Variants in CARF observed in about 807,000 individuals in gnomAD.
CARF encodes calcium-responsive transcription factor.
A neutral mutation model predicts 82.0 loss-of-function variants in CARF; 57 were observed. The ratio of observed to expected loss-of-function variants is 0.70; its 90% CI spans 0.56 to 0.87. CARF has a LOEUF of 0.87. Among genes scored for constraint, CARF ranks in the 40% least tolerant of loss-of-function variants. CARF has a pLI of 0.00. For missense variants in CARF, 771 were observed against 855.8 expected, an observed-to-expected ratio of 0.90 and a Z score of 1.24; for synonymous variants, 268 against 290.1, an observed-to-expected ratio of 0.92 and a Z score of 0.77.
At chr2:202,923,140 C>T (rs1021096379) in intron 2 of CARF, among the ~76,000 whole-genome samples, 1 of 152,092 alleles carries the variant, frequency 6.6e-6, no homozygotes, top group Admixed American at 6.5e-5. Flanking sequence ...ACTTGGGAGG[C>T]TGAGGCAGGA....
At chr2:202,968,178 C>T (rs994289599) in intron 10 of CARF, among the ~76,000 whole-genome samples, 40 of 152,072 alleles carry the variant, frequency 2.6e-4, no homozygotes, top group East Asian at 2.1e-3. Flanking sequence ...CCGAGGTGGG[C>T]GGATTACAAG....
intron 10 of CARF, among the ~76,000 whole-genome samples, chr2:202,969,404 T>C (rs2059685460): frequency 6.6e-6 from 1 of 151,770 alleles, no homozygotes; most frequent in African/African-American, 2.4e-5. Context: ...GGAAAAACCC[T>C]GTCTCTACTA....
At chr2:202,973,526 T>C (rs1374980852) in intron 12 of CARF, 1 of 406,568 alleles carries the variant, frequency 2.5e-6, no homozygotes, top group Non-Finnish European at 4.8e-6. Context: ...TTGGAAGCAA[T>C]GTAACATGAT....
intron 2 of CARF, among the ~76,000 whole-genome samples, chr2:202,921,901 C>G (rs989692173): frequency 1.3e-5 from 2 of 151,960 alleles, no homozygotes; most frequent in Non-Finnish European, 2.9e-5. Flanking sequence ...TTATGACTCA[C>G]TGTAGCCTCA....
chr2:202,948,012 C>T (rs904710361), intron 5 of CARF, among the ~76,000 whole-genome samples: 1 of 152,062 alleles, frequency 6.6e-6, no homozygotes, highest in African/African-American at 2.4e-5. Context: ...TTTAGTCTAT[C>T]TTGAGTTTAT....
intron 10 of CARF, among the ~76,000 whole-genome samples, chr2:202,969,578 A>AAAATAAAT (rs55730144): frequency 2.6e-4 from 37 of 144,406 alleles, no homozygotes; most frequent in African/African-American, 8.9e-4. Flanking sequence ...TCCATCTCAA[A>AAAATAAAT]AAATAAATAA....
chr2:202,952,067 G>A (rs2058780890), intron 5 of CARF, among the ~76,000 whole-genome samples: 2 of 152,004 alleles, frequency 1.3e-5, no homozygotes, highest in Non-Finnish European at 2.9e-5. Context: ...TCCTGACCTC[G>A]TGATCTGCCT....
chr2:202,950,972 C>G (rs2058728716), intron 5 of CARF, among the ~76,000 whole-genome samples: 1 of 152,112 alleles, frequency 6.6e-6, no homozygotes. Flanking sequence ...TTAAAGCATT[C>G]TAGTTTGTTG....
At chr2:202,948,977 G>A (rs191004458) in intron 5 of CARF, among the ~76,000 whole-genome samples, 2 of 152,244 alleles carry the variant, frequency 1.3e-5, no homozygotes, top group Admixed American at 1.3e-4. Flanking sequence ...GATGTTGGCT[G>A]TGGGTTTGTT....
At chr2:202,981,945 T>C in intron 15 of CARF, 127 bp from the exon 16 acceptor site, 1 of 1,077,394 alleles carries the variant, frequency 9.3e-7, no homozygotes, top group South Asian at 1.6e-5. Context: ...CTTTCTTCAT[T>C]TAATAATTAT....
intron 2 of CARF, among the ~76,000 whole-genome samples, chr2:202,922,046 T>C (rs1347235665): frequency 6.6e-6 from 1 of 151,758 alleles, no homozygotes; most frequent in African/African-American, 2.4e-5. Flanking sequence ...CCCAGGCTGA[T>C]CTTAAACTCT....
chr2:202,935,533 C>T (rs1693792717), intron 3 of CARF, among the ~76,000 whole-genome samples: 1 of 151,730 alleles, frequency 6.6e-6, no homozygotes, highest in South Asian at 2.1e-4. Context: ...CAAGTGATCT[C>T]CTGCCTCAGC....
At chr2:202,948,569 C>T (rs1451772785) in intron 5 of CARF, among the ~76,000 whole-genome samples, 1 of 151,934 alleles carries the variant, frequency 6.6e-6, no homozygotes, top group Non-Finnish European at 1.5e-5. Context: ...AGATCTTTCA[C>T]CTTCTTGTAA....
intron 10 of CARF, among the ~76,000 whole-genome samples, chr2:202,969,578 AAAAT>A (rs55730144): frequency 0.89 from 128,663 of 144,252 alleles, 57,645 homozygotes; most frequent in South Asian, 0.93. Context: ...TCCATCTCAA[AAAAT>A]AAATAAATAA....
chr2:202,935,418 A>G (rs960799030), intron 3 of CARF, among the ~76,000 whole-genome samples: 1 of 150,814 alleles, frequency 6.6e-6, no homozygotes, highest in Non-Finnish European at 1.5e-5. Flanking sequence ...TTCTCTATCA[A>G]TTGTACCCTT....
chr2:202,965,582 A>G, intron 9 of CARF, among the ~76,000 whole-genome samples: 1 of 152,206 alleles, frequency 6.6e-6, no homozygotes. Flanking sequence ...TGTAGTCTAC[A>G]TAGTAATTCT....
chr2:202,950,408 C>T (rs1268730547), intron 5 of CARF, among the ~76,000 whole-genome samples: 2 of 152,200 alleles, frequency 1.3e-5, no homozygotes, highest in Non-Finnish European at 2.9e-5. Flanking sequence ...ACTTTTCATA[C>T]CCCCATTCCT....
chr2:202,967,769 A>G (rs2059613786), intron 10 of CARF, among the ~76,000 whole-genome samples: 1 of 152,234 alleles, frequency 6.6e-6, no homozygotes. Context: ...CAAAGGCTGT[A>G]TCTTTTAAAA....
intron 9 of CARF, chr2:202,962,881 T>A (rs1405356189): frequency 6.6e-6 from 1 of 152,248 alleles, no homozygotes; most frequent in African/African-American, 2.4e-5. Context: ...CAACTTTTCA[T>A]TATTACAAAG....
Sources: allele counts gnomAD v4.1 joint callset (sites outside exome capture counted in the v4.1 genomes callset), GRCh38; gene constraint gnomAD v4.1.1; transcripts MANE v1.5; gene names NCBI Gene and HGNC (gene_info 2026-07-23, HGNC 2026-07-21).